Variants in DMD observed in about 807,000 individuals in gnomAD.
The protein encoded by DMD is dystrophin, also known as mutant dystrophin.
In DMD, 63 loss-of-function variants were observed where a neutral mutation model predicts 330.1. The ratio of observed to expected loss-of-function variants is 0.19; its 90% CI spans 0.16 to 0.24. The LOEUF is 0.24. DMD is among the 10% of genes least tolerant of loss of function. DMD has a pLI of 1.00. For synonymous variants in DMD, 1,223 were observed against 959.8 expected, an observed-to-expected ratio of 1.27 and a Z score of -5.07; for missense variants, 3,344 against 2,684.1, an observed-to-expected ratio of 1.25 and a Z score of -5.43.
intron 47 of DMD, among the ~76,000 whole-genome samples, chrX:31,898,267 A>G: frequency 9.1e-6 from 1 of 110,149 alleles, no homozygotes; most frequent in Admixed American, 9.7e-5. Context: ...GGAAAAAACT[A>G]CTTTAAAGTT....
At chrX:32,835,425 T>C (rs931758276) in intron 4 of DMD, among the ~76,000 whole-genome samples, 1 of 112,925 alleles carries the variant, frequency 8.9e-6, no homozygotes, top group Non-Finnish European at 1.9e-5. Context: ...TTTTGTTCGC[T>C]TTTTAAAATC....
chrX:31,464,228 G>A (rs1188054724), intron 59 of DMD, among the ~76,000 whole-genome samples: 2 of 111,681 alleles, frequency 1.8e-5, no homozygotes, highest in Middle Eastern at 4.6e-3. Flanking sequence ...TTGATTACCC[G>A]TGTTCTCCTA....
intron 9 of DMD, among the ~76,000 whole-genome samples, chrX:32,667,915 G>A (rs1038424346): frequency 4.4e-4 from 48 of 109,571 alleles, no homozygotes; most frequent in African/African-American, 1.3e-3. Flanking sequence ...CGAGGCGGGC[G>A]GATCACCTAA....
chrX:33,258,155 T>C lies in DMD; in HGVS notation c.7+81104A>G, dbSNP rs144634242. On this transcript the variant is annotated intron_variant, in intron 1 of 17. Coordinates refer to the DMD transcript ENST00000288447. The stretch of plus-strand genomic sequence containing the variant: ...ATTTTAAGAACTGTACAAAACACAA[T>C]ATTAAAATTCTGAAGTGAAAAATAA... Among the ~76,000 whole-genome samples, 968 of 111,521 alleles carry C rather than the reference T, an allele frequency of 8.7e-3. 24 individuals are homozygous for C. Among genetic ancestry groups the C allele is most frequent in the Admixed American group, 0.061 (633 of 10,451 alleles).
intron 17 of DMD, among the ~76,000 whole-genome samples, chrX:32,519,171 C>T (rs1405717292): frequency 9.9e-6 from 1 of 100,652 alleles, no homozygotes; most frequent in Non-Finnish European, 2.0e-5. Flanking sequence ...TCATTTGCAA[C>T]AACATGTATG....
intron 44 of DMD, among the ~76,000 whole-genome samples, chrX:31,976,747 G>C (rs995311451): frequency 9.0e-6 from 1 of 111,640 alleles, no homozygotes; most frequent in African/African-American, 3.2e-5. Flanking sequence ...TGTGCTTTAA[G>C]AGAACAGAAT....
chrX:33,255,167 T>C (rs1392935628), intron 1 of DMD, among the ~76,000 whole-genome samples: 3 of 110,858 alleles, frequency 2.7e-5, no homozygotes, highest in African/African-American at 9.8e-5. Context: ...ACTTAAGACA[T>C]TGAGCAAATG....
chrX:32,310,801 C>T (rs2097559528), intron 41 of DMD, among the ~76,000 whole-genome samples: 1 of 110,755 alleles, frequency 9.0e-6, no homozygotes, highest in East Asian at 2.9e-4. Context: ...CTCTTCTCCT[C>T]CAAATTCTAG....
At chrX:32,719,939 TATG>T (rs2066104182) in intron 7 of DMD, among the ~76,000 whole-genome samples, 1 of 109,263 alleles carries the variant, frequency 9.2e-6, no homozygotes, top group Non-Finnish European at 1.9e-5. Flanking sequence ...ACACATACTA[TATG>T]ACCTGACCCA....
intron 52 of DMD, among the ~76,000 whole-genome samples, chrX:31,690,404 C>G (rs1448370562): frequency 1.8e-5 from 2 of 112,074 alleles, no homozygotes; most frequent in East Asian, 2.8e-4. Context: ...AAACGCAAAT[C>G]AAAACCACAA....
At chrX:31,732,541 G>C (rs1438466671) in intron 51 of DMD, among the ~76,000 whole-genome samples, 3 of 111,343 alleles carry the variant, frequency 2.7e-5, no homozygotes, top group Non-Finnish European at 1.9e-5. Context: ...CTATTTATTT[G>C]CTACTATACT....
chrX:32,306,173 T>A (rs1160115528), intron 42 of DMD, among the ~76,000 whole-genome samples: 1 of 111,001 alleles, frequency 9.0e-6, no homozygotes, highest in Non-Finnish European at 1.9e-5. Context: ...GGGCAAAGAT[T>A]CGTTAGTCTT....
At chrX:33,325,321 T>C (rs2148959309) in intron 1 of DMD, among the ~76,000 whole-genome samples, 1 of 112,367 alleles carries the variant, frequency 8.9e-6, no homozygotes, top group African/African-American at 3.2e-5. Flanking sequence ...TCAAAACCAA[T>C]TTGCTGGATA....
chrX:31,271,712 T>G (rs966478520), intron 62 of DMD, among the ~76,000 whole-genome samples: 1 of 111,859 alleles, frequency 8.9e-6, no homozygotes, highest in Non-Finnish European at 1.9e-5. Flanking sequence ...ACATATTCTA[T>G]AGTAAAATGT....
rs149053365 is a variant in DMD at position 32,828,634 on chromosome X, T to C, written c.265-5247A>G. ...GTATACATCTATACACATATATACA[T>C]ATGTATACATCTATATACATATATA... On this transcript the variant is annotated intron_variant, in intron 4 of 78. Coordinates refer to ENST00000357033, the MANE Select transcript of DMD (RefSeq NM_004006.3). Among the ~76,000 whole-genome samples, 6 of 110,279 alleles carry C rather than the reference T, an allele frequency of 5.4e-5. No homozygotes were observed. The East Asian group carries it at 1.6e-3, about 29-fold the overall frequency.
chrX:32,968,084 T>C (rs1018236679), intron 2 of DMD, among the ~76,000 whole-genome samples: 1 of 111,835 alleles, frequency 8.9e-6, no homozygotes, highest in Non-Finnish European at 1.9e-5. Flanking sequence ...AGGCATGGAG[T>C]ATAGTCCCCA....
intron 1 of DMD, among the ~76,000 whole-genome samples, chrX:33,230,964 A>C (rs1444844147): frequency 1.9e-5 from 2 of 103,572 alleles, no homozygotes; most frequent in Non-Finnish European, 3.8e-5. Context: ...AGCCAAAAAA[A>C]AAAAAAAATA....
intron 28 of DMD, 43 bp from the exon 29 acceptor site, chrX:32,438,433 T>G (rs1393962283): frequency 8.5e-7 from 1 of 1,174,442 alleles, no homozygotes; most frequent in East Asian, 3.0e-5. Flanking sequence ...CTTTTTTTTC[T>G]AAATACATTG....
At chrX:32,562,913 T>C (rs1441006832) in intron 16 of DMD, among the ~76,000 whole-genome samples, 1 of 111,761 alleles carries the variant, frequency 8.9e-6, no homozygotes, top group African/African-American at 3.3e-5. Flanking sequence ...GGAAAGGCAA[T>C]GAGAGAAAAC....
Sources: gnomAD v4.1 joint callset for allele counts (sites outside exome capture counted in the v4.1 genomes callset) on GRCh38, gnomAD v4.1.1 for gene constraint, MANE v1.5 for transcripts, NCBI Gene and HGNC (gene_info 2026-07-23, HGNC 2026-07-21) for gene names.